Variants in MTA3 observed in about 807,000 individuals in gnomAD.
The protein encoded by MTA3 is metastasis associated 1 family member 3, also known as metastasis-associated protein MTA3.
In MTA3, 34 loss-of-function variants were observed where a neutral mutation model predicts 83.5. That is an observed-to-expected ratio of 0.41 (90% CI 0.31 to 0.54). MTA3 has a LOEUF of 0.54. Ranked by LOEUF, MTA3 falls within the 20% of genes least tolerant of loss-of-function variation. MTA3 has a pLI of 0.33. For missense variants in MTA3, 761 were observed against 726.4 expected (o/e 1.05, Z -0.55); for synonymous variants, 303 against 252.7 (o/e 1.20, Z -1.89).
At chr2:42,719,730 T>G (rs1372980881) in intron 15 of MTA3, among the ~76,000 whole-genome samples, 2 of 152,194 alleles carry the variant, frequency 1.3e-5, no homozygotes, top group Non-Finnish European at 2.9e-5. Flanking sequence ...GGCATTTGTA[T>G]TGCTTTCTTA....
At chr2:42,682,284 AAAAT>A (rs1196317975) in intron 8 of MTA3, 113 bp from the exon 9 acceptor site, 25 of 728,210 alleles carry the variant, frequency 3.4e-5, no homozygotes, top group East Asian at 8.7e-5. Context: ...ATTTTGTTAA[AAAAT>A]AAATAAGTAT....
At chr2:42,726,955 G>A (rs1234613957) in intron 16 of MTA3, among the ~76,000 whole-genome samples, 1 of 152,216 alleles carries the variant, frequency 6.6e-6, no homozygotes, top group Non-Finnish European at 1.5e-5. Context: ...CAACTCTGGA[G>A]GCCAAAGCGG....
intron 4 of MTA3, among the ~76,000 whole-genome samples, chr2:42,610,824 T>G (rs1684101869): frequency 6.6e-6 from 1 of 152,100 alleles, no homozygotes. Flanking sequence ...GGTAAGGATG[T>G]GTGAGCAAGT....
At chr2:42,521,354 G>A (rs772645598) in intron 2 of MTA3, among the ~76,000 whole-genome samples, 10 of 152,236 alleles carry the variant, frequency 6.6e-5, no homozygotes, top group South Asian at 2.1e-4. Context: ...CCACCCCATC[G>A]GCCTAGTGAT....
chr2:42,584,924 G>A (rs1158946194), intron 3 of MTA3, among the ~76,000 whole-genome samples: 2 of 151,480 alleles, frequency 1.3e-5, no homozygotes, highest in African/African-American at 2.4e-5. Flanking sequence ...AGTAAGTCCA[G>A]AAGCCATAAG....
At chr2:42,635,858 C>T (rs1002779189) in intron 4 of MTA3, among the ~76,000 whole-genome samples, 1 of 152,042 alleles carries the variant, frequency 6.6e-6, no homozygotes, top group Admixed American at 6.6e-5. Context: ...CTCCTTCTCC[C>T]AGGTTCAAGC....
chr2:42,731,695 A>G (rs139609126), intron 16 of MTA3, among the ~76,000 whole-genome samples: 2,746 of 152,216 alleles, frequency 0.018, 89 homozygotes, highest in African/African-American at 0.063. Flanking sequence ...GGCCCCTCCA[A>G]ATCTCATATC....
Position 42,706,795 on chromosome 2 carries a change from C to G in MTA3, c.1151-1108C>G, listed in dbSNP as rs566599712. ...GTTAAATCATCTGAGTTTTAGGCCT[C>G]AAGCATGCTGTGATGTCAGCTGCCC... On this transcript the variant is annotated intron_variant, in intron 12 of 16. Coordinates refer to ENST00000405094, the MANE Select transcript of MTA3 (RefSeq NM_001330442.2). Among the ~76,000 whole-genome samples the G allele has an allele frequency of 6.6e-5, 10 of 152,330 alleles. No homozygotes were observed. The East Asian group carries it at 1.9e-3, about 29-fold the overall frequency.
chr2:42,638,420 G>T (rs1307407678), intron 4 of MTA3, among the ~76,000 whole-genome samples: 1 of 150,998 alleles, frequency 6.6e-6, no homozygotes, highest in African/African-American at 2.4e-5. Flanking sequence ...ACAGGGTCTT[G>T]CTCTTTTGCC....
intron 2 of MTA3, among the ~76,000 whole-genome samples, chr2:42,523,251 A>C: frequency 6.6e-6 from 1 of 150,978 alleles, no homozygotes. Flanking sequence ...CCCCAAATCC[A>C]CTCTCCCTTT....
chr2:42,564,332 C>T (rs1305923361), upstream of MTA3, among the ~76,000 whole-genome samples: 7 of 152,120 alleles, frequency 4.6e-5, no homozygotes, highest in South Asian at 2.1e-4. Flanking sequence ...CTATGGGATC[C>T]GAAAACACAT....
chr2:42,704,914 T>A (rs1190837657), intron 12 of MTA3, among the ~76,000 whole-genome samples: 1 of 152,202 alleles, frequency 6.6e-6, no homozygotes, highest in African/African-American at 2.4e-5. Flanking sequence ...ACTTTGTGTG[T>A]TTATTTTAAA....
chr2:42,504,598 A>T (rs748315062), intron 2 of MTA3, among the ~76,000 whole-genome samples: 2 of 151,964 alleles, frequency 1.3e-5, no homozygotes, highest in Non-Finnish European at 2.9e-5. Flanking sequence ...CTCCTGTGTC[A>T]TACTTATGAC....
At chr2:42,659,739 T>A in intron 7 of MTA3, 24 bp from the exon 8 acceptor site, 1 of 1,485,600 alleles carries the variant, frequency 6.7e-7, no homozygotes, top group Non-Finnish European at 9.0e-7. Context: ...TAATTCTTCC[T>A]TATTGTGTTT....
intron 16 of MTA3, among the ~76,000 whole-genome samples, chr2:42,733,903 A>T (rs1021398167): frequency 6.6e-6 from 1 of 152,234 alleles, no homozygotes; most frequent in Non-Finnish European, 1.5e-5. Flanking sequence ...GATACTTGAT[A>T]TAAATTTATT....
chr2:42,500,811 CT>C lies in MTA3; in HGVS notation c.-141+5574del, dbSNP rs1177557640. Among the ~76,000 whole-genome samples, 448 of 133,084 alleles carry C rather than the reference CT, an allele frequency of 3.4e-3. 1 individual carries two copies. Among genetic ancestry groups the C allele is most frequent in the East Asian group, 0.014 (64 of 4,650 alleles). The allele number at this position is 133,084 out of a possible 152,430, so 87.3% of individuals were successfully genotyped here. Reference sequence around the variant, plus strand: ...ATCAAAATCAAGAGGCTTTATGAAGCTTTTTTTTTTTTTTTTTGAGACGGAG... The same window carrying C: ...ATCAAAATCAAGAGGCTTTATGAAGCTTTTTTTTTTTTTTTTGAGACGGAG... On this transcript the variant is annotated intron_variant, in intron 2 of 17. Transcript: ENST00000405592.
At chr2:42,695,634 C>CAAAAAAAAAAAAAAAAAAAAAAAAAAA (rs70963347) in intron 9 of MTA3, 131 bp from the exon 10 acceptor site, 1 of 124,588 alleles carries the variant, frequency 8.0e-6, no homozygotes, top group African/African-American at 8.8e-5. Flanking sequence ...CAGTCTATCT[C>CAAAAAAAAAAAAAAAAAAAAAAAAAAA]AAAAAAAAAA....
At chr2:42,566,168 CAA>C (rs1373004362), upstream of MTA3, among the ~76,000 whole-genome samples, 1 of 152,094 alleles carries the variant, frequency 6.6e-6, no homozygotes, top group African/African-American at 2.4e-5. Flanking sequence ...TGGTTGATGA[CAA>C]GTTTGTGGTC....
chr2:42,722,481 A>G (rs1240393214), intron 15 of MTA3, among the ~76,000 whole-genome samples: 2 of 152,166 alleles, frequency 1.3e-5, no homozygotes, highest in Non-Finnish European at 2.9e-5. Flanking sequence ...CATACGTGAC[A>G]TGGTGCCTGG....
Sources: allele counts gnomAD v4.1 joint callset (sites outside exome capture counted in the v4.1 genomes callset), GRCh38; gene constraint gnomAD v4.1.1; transcripts MANE v1.5; gene names NCBI Gene and HGNC (gene_info 2026-07-23, HGNC 2026-07-21).